Variants in RIGI observed in about 807,000 individuals in gnomAD.
RIGI encodes the protein RNA sensor RIG-I.
chr9:32,463,580 G>A, the RIGI span, among the ~76,000 whole-genome samples: 2 of 152,012 alleles, frequency 1.3e-5, no homozygotes. Flanking sequence ...CTAGGCAATA[G>A]GTATAAATCC....
At chr9:32,480,442 G>C in the RIGI span, 1 of 1,315,042 alleles carries the variant, frequency 7.6e-7, no homozygotes, top group East Asian at 2.5e-5. Context: ...TTAACGAATT[G>C]TTTTAAGAAA....
chr9:32,466,753 T>C, the RIGI span, among the ~76,000 whole-genome samples: 11 of 139,100 alleles, frequency 7.9e-5, no homozygotes, highest in East Asian at 2.4e-3. Context: ...ATGTTAAATA[T>C]GTGGAAAAAC....
the RIGI span, chr9:32,489,277 A>T: frequency 1.8e-6 from 2 of 1,110,254 alleles, no homozygotes; most frequent in South Asian, 2.9e-5. Context: ...ATTCTGTCCC[A>T]GTATTCAACA....
chr9:32,477,835 G>T, the RIGI span, among the ~76,000 whole-genome samples: 1 of 151,882 alleles, frequency 6.6e-6, no homozygotes, highest in Non-Finnish European at 1.5e-5. Flanking sequence ...TGAGGCAGGA[G>T]AATCACTTGA....
the RIGI span, among the ~76,000 whole-genome samples, chr9:32,503,780 A>C: frequency 6.6e-6 from 1 of 151,972 alleles, no homozygotes. Flanking sequence ...AGTGGCTCAC[A>C]CCTCTAATCC....
chr9:32,466,559 T>C, the RIGI span: 3 of 898,154 alleles, frequency 3.3e-6, no homozygotes, highest in Non-Finnish European at 4.9e-6. Context: ...TGAATCCCAC[T>C]TCCCAGGAAA....
chr9:32,461,247 T>C, the RIGI span, among the ~76,000 whole-genome samples: 1 of 152,130 alleles, frequency 6.6e-6, no homozygotes, highest in Non-Finnish European at 1.5e-5. Flanking sequence ...CATTCTTAGA[T>C]GAAGGAACAC....
chr9:32,457,533 G>T, the RIGI span: 1 of 887,652 alleles, frequency 1.1e-6, no homozygotes, highest in Non-Finnish European at 1.6e-6. Flanking sequence ...AAGAACAGGT[G>T]GGTCTCACTT....
At chr9:32,486,473 AG>A in the RIGI span, among the ~76,000 whole-genome samples, 1 of 151,322 alleles carries the variant, frequency 6.6e-6, no homozygotes, top group African/African-American at 2.4e-5. Flanking sequence ...AAAAAAAAAA[AG>A]AAGTAGTACA....
At chr9:32,513,158 T>C in the RIGI span, among the ~76,000 whole-genome samples, 2 of 151,840 alleles carry the variant, frequency 1.3e-5, no homozygotes, top group Non-Finnish European at 2.9e-5. Context: ...AGGTAATTTA[T>C]AGATTCAATG....
chr9:32,474,676 A>T, the RIGI span, among the ~76,000 whole-genome samples: 17 of 152,176 alleles, frequency 1.1e-4, no homozygotes, highest in Non-Finnish European at 5.9e-5. Context: ...AACCTTCCCC[A>T]GTCAAGCCAT....
the RIGI span, among the ~76,000 whole-genome samples, chr9:32,504,068 C>CA: frequency 3.4e-4 from 51 of 151,280 alleles, no homozygotes; most frequent in South Asian, 6.3e-4. Context: ...CACACACACA[C>CA]CCAGGTCTGC....
the RIGI span, among the ~76,000 whole-genome samples, chr9:32,516,938 G>A: frequency 0.011 from 1,673 of 152,286 alleles, 23 homozygotes; most frequent in African/African-American, 0.036. Context: ...TTCAGCAGTC[G>A]GATTGTGTTT....
the RIGI span, among the ~76,000 whole-genome samples, chr9:32,518,400 A>G: frequency 6.6e-6 from 1 of 151,058 alleles, no homozygotes; most frequent in Non-Finnish European, 1.5e-5. Context: ...AAAAAAAAGA[A>G]GAAGAAAAAG....
chr9:32,468,080 T>C, the RIGI span: 2 of 662,532 alleles, frequency 3.0e-6, no homozygotes, highest in Non-Finnish European at 2.4e-6. Flanking sequence ...ACCTAGGCAG[T>C]GGGATCTATT....
chr9:32,521,250 C>T, the RIGI span, among the ~76,000 whole-genome samples: 1 of 149,350 alleles, frequency 6.7e-6, no homozygotes, highest in African/African-American at 2.5e-5. Context: ...TAAAAATATA[C>T]CATACAAAGG....
At chr9:32,481,652 C>A in the RIGI span, among the ~76,000 whole-genome samples, 1 of 151,836 alleles carries the variant, frequency 6.6e-6, no homozygotes, top group Non-Finnish European at 1.5e-5. Context: ...ATGGCACGAT[C>A]TTGGCTCACC....
At chr9:32,462,833 G>A in the RIGI span, among the ~76,000 whole-genome samples, 216 of 152,308 alleles carry the variant, frequency 1.4e-3, 1 homozygote, top group Middle Eastern at 6.8e-3. Flanking sequence ...ATCATGCCCA[G>A]CTAGACCTAG....
At chr9:32,481,731 G>A in the RIGI span, among the ~76,000 whole-genome samples, 28 of 152,102 alleles carry the variant, frequency 1.8e-4, no homozygotes, top group African/African-American at 3.6e-4. Flanking sequence ...GACTACAGGC[G>A]TGTGCCATCA....
Sources: allele counts gnomAD v4.1 joint callset (sites outside exome capture counted in the v4.1 genomes callset), GRCh38; gene constraint gnomAD v4.1.1; transcripts MANE v1.5; gene names NCBI Gene and HGNC (gene_info 2026-07-23, HGNC 2026-07-21).